LAMA5: variants seen among roughly 807,000 people sequenced by gnomAD.
The protein encoded by LAMA5 is laminin subunit alpha 5, also known as laminin subunit alpha-5.
A neutral mutation model predicts 433.4 loss-of-function variants in LAMA5; 260 were observed. That is an observed-to-expected ratio of 0.60 (90% CI 0.54 to 0.66). The LOEUF is 0.66. Ranked by LOEUF, LAMA5 falls within the 30% of genes least tolerant of loss-of-function variation. The pLI is 0.00. For synonymous variants in LAMA5, 2,620 were observed against 2,226.6 expected (o/e 1.18, Z -4.97); for missense variants, 5,378 against 5,258.5 (o/e 1.02, Z -0.70).
chr20:62,351,517 C>T (rs981459461), intron 6 of LAMA5, among the ~76,000 whole-genome samples, 187 bp downstream of exon 6: 19 of 151,596 alleles, frequency 1.3e-4, no homozygotes, highest in Non-Finnish European at 2.4e-4. Flanking sequence ...CTGGCCTCCA[C>T]ATCACTGCAC....
At chr20:62,361,375 C>A (rs1341963467) in intron 2 of LAMA5, among the ~76,000 whole-genome samples, 3 of 151,208 alleles carry the variant, frequency 2.0e-5, no homozygotes, top group Non-Finnish European at 4.4e-5. Context: ...AAATTCCAGG[C>A]CACTTTTGGA....
chr20:62,317,186 C>T (rs941508798), intron 55 of LAMA5, among the ~76,000 whole-genome samples, 159 bp downstream of exon 55: 6 of 152,378 alleles, frequency 3.9e-5, no homozygotes, highest in African/African-American at 1.2e-4. Flanking sequence ...CTGCTCCTGT[C>T]ACTCTGGGCC....
chr20:62,319,857 G>T (rs867982653), intron 50 of LAMA5, 62 bp from the exon 51 acceptor site: 1 of 1,357,298 alleles, frequency 7.4e-7, no homozygotes, highest in Middle Eastern at 2.1e-4. Flanking sequence ...TGGCAAGGGA[G>T]GGCCTGGGGT....
chr20:62,310,516 C>T lies in LAMA5; in HGVS notation c.10503G>A (p.Leu3501=). Residue 3501 remains leucine, a synonymous_variant, in exon 76 of 80, where the codon CTG becomes CTA. Coordinates refer to ENST00000252999, the MANE Select transcript of LAMA5 (RefSeq NM_005560.6). The part of the protein sequence containing the change: ...VKRLRLHGRP[L]GAPTRMAGVT... ...CCCCTGCCATCCGTGTGGGGGCCCC[C>T]AGGGGCCTCCCGTGCAGCCTCAGTC... is the stretch of plus-strand genomic sequence containing the variant. 6.4e-7 allele frequency: 1 copy of T among 1,555,334 alleles called. No homozygotes were observed. The highest frequency in any genetic ancestry group is 1.2e-5 in the South Asian group (1 of 80,194).
At chr20:62,321,748 G>GGGGGAGGCAGGGCCAGCA (rs1987830778) in intron 48 of LAMA5, among the ~76,000 whole-genome samples, 1 of 138,712 alleles carries the variant, frequency 7.2e-6, no homozygotes, top group African/African-American at 2.8e-5. Flanking sequence ...TGGGGCCAGT[G>GGGGGAGGCAGGGCCAGCA]GAGGGGTGGG....
chr20:62,318,339 G>C (rs1193437232), intron 53 of LAMA5, 115 bp downstream of exon 53: 1 of 377,474 alleles, frequency 2.6e-6, no homozygotes, highest in African/African-American at 4.3e-5. Flanking sequence ...CGAGGGAGGG[G>C]AGGACGGAGG....
At chr20:62,332,342 C>T (rs780639613) in intron 28 of LAMA5, 30 bp downstream of exon 28, 2 of 1,487,650 alleles carry the variant, frequency 1.3e-6, no homozygotes, top group African/African-American at 1.4e-5. Flanking sequence ...GAAGCTGACC[C>T]CTTGGGGTGG....
chr20:62,325,985 C>G lies in LAMA5; in HGVS notation c.5299-439G>C, dbSNP rs559144717. 4.6e-5 allele frequency among the ~76,000 whole-genome samples: 7 copies of G among 152,326 alleles called. 1 individual carries two copies. The East Asian group carries it at 7.7e-4, about 17-fold the overall frequency. On this transcript the variant is annotated intron_variant, in intron 40 of 79. Coordinates refer to ENST00000252999, the MANE Select transcript of LAMA5 (RefSeq NM_005560.6). ...CCTGTAATCCCAGCACTTTGGGAGG[C>G]TGAGGTGGGAGGATCACCTGAAGTC...
Position 62,333,194 on chromosome 20 carries a change from C to A in LAMA5, c.3178G>T (p.Gly1060Trp). 6.6e-7 allele frequency: 1 copy of A among 1,522,390 alleles called. No individual in the cohort carries two copies. The highest frequency in any genetic ancestry group is 8.8e-7 in the Non-Finnish European group (1 of 1,135,176). The allele number at this position is 1,522,390 out of a possible 1,614,324, so 94.3% of individuals were successfully genotyped here. A position where few individuals can be genotyped will look rare whatever the true frequency, so the allele number is the denominator to read the frequency against. The change falls in exon 26 of 80, where the codon GGG becomes TGG. Residue 1060 changes from glycine to tryptophan, a missense_variant. Coordinates refer to ENST00000252999, the MANE Select transcript of LAMA5 (RefSeq NM_005560.6). ...TCCTGGCGACACAGGGCCTCCAGCC[C>A]GGCGGCCGAGGGGAAGCCATCCAGG... Reference protein sequence around the residue: ...LPLDGFPSAAGLEALCRQDNS... With the variant: ...LPLDGFPSAAWLEALCRQDNS...
In LAMA5 at chr20:62,359,063, C is replaced by T. The variant is rs1052920272; in HGVS notation, c.450+3337G>A. Among the ~76,000 whole-genome samples the T allele has an allele frequency of 6.6e-6, 1 of 152,158 alleles. No individual in the cohort carries two copies. Among genetic ancestry groups the T allele is most frequent in the African/African-American group, 2.4e-5 (1 of 41,434 alleles). The stretch of plus-strand genomic sequence containing the variant: ...ACCCCCACCTGGGCCTCCCCATTTG[C>T]CCTGCAGCTCTGGGCCTCGGGGACT... On this transcript the variant is annotated intron_variant, in intron 2 of 79. Coordinates refer to ENST00000252999, the MANE Select transcript of LAMA5 (RefSeq NM_005560.6). This position sits in a 1 kb window ranked among gnomAD's most constrained non-coding sequence, Gnocchi z 4.3.
chr20:62,339,590 T>G (rs1441571962), intron 11 of LAMA5, among the ~76,000 whole-genome samples: 1 of 146,694 alleles, frequency 6.8e-6, no homozygotes, highest in Non-Finnish European at 1.5e-5. Context: ...AACTTACGCA[T>G]GAAAGGAGGG....
At chr20:62,337,117 A>C (rs1981773092) in intron 16 of LAMA5, 1 of 573,908 alleles carries the variant, frequency 1.7e-6, no homozygotes, top group East Asian at 3.7e-5. Flanking sequence ...GTGCACTAAC[A>C]CACCCACACG....
Position 62,334,167 on chromosome 20 carries a change from G to C in LAMA5, c.2739+19C>G. The C allele has an allele frequency of 5.6e-6, 9 of 1,606,906 alleles. No homozygotes were observed. Among genetic ancestry groups the C allele is most frequent in the Non-Finnish European group, 5.1e-6 (6 of 1,175,506 alleles). ...CTCCACTTCTAGGCTGAGCCTGGGA[G>C]GGGGAGCACAGCGCCCACCTGGACA... is the stretch of plus-strand genomic sequence containing the variant. On this transcript the variant is annotated intron_variant, in intron 22 of 79. Coordinates refer to ENST00000252999, the MANE Select transcript of LAMA5 (RefSeq NM_005560.6).
intron 17 of LAMA5, 116 bp downstream of exon 17, chr20:62,336,618 G>T: frequency 7.6e-7 from 1 of 1,308,624 alleles, no homozygotes; most frequent in South Asian, 1.2e-5. Flanking sequence ...GACAGGCCCT[G>T]GGGTTGCCAT....
At chr20:62,345,523 CA>C in intron 11 of LAMA5, 1 of 518,510 alleles carries the variant, frequency 1.9e-6, no homozygotes, top group South Asian at 1.8e-5. Flanking sequence ...CCTTCCACCT[CA>C]GCCTCCGGAG....
Position 62,332,546 on chromosome 20 carries a change from C to T in LAMA5, c.3443+11G>A. ...CGTGCCCTTACTCCAGCCCCACCGG[C>T]TCCCACTCACCTGTACAGGCAGGGG... On this transcript the variant is annotated intron_variant, in intron 27 of 79. Transcript: ENST00000252999. 2 of 1,599,992 alleles carry T rather than the reference C, an allele frequency of 1.3e-6. No individual in the cohort carries two copies. Among genetic ancestry groups the T allele is most frequent in the Non-Finnish European group, 1.7e-6 (2 of 1,171,276 alleles).
rs780278776 is a variant in LAMA5, at chr20:62,317,073, G to A, written c.7512-50C>T. Reference sequence around the variant, plus strand: ...GAGTGGGTAAGCGCAGACGCCCTCGGCCTGGCTCTCCAGCCTCCTGCGCTC... The same window carrying A: ...GAGTGGGTAAGCGCAGACGCCCTCGACCTGGCTCTCCAGCCTCCTGCGCTC... On this transcript the variant is annotated intron_variant, in intron 55 of 79. Coordinates refer to ENST00000252999, the MANE Select transcript of LAMA5 (RefSeq NM_005560.6). 3.9e-5 allele frequency: 58 copies of A among 1,485,314 alleles called. No homozygotes were observed. The South Asian group carries it at 7.2e-4, about 18-fold the overall frequency. 92.0% of individuals were successfully genotyped at this position (1,485,314 alleles called of 1,614,324 possible).
At chr20:62,323,176 G>A (rs1487678607) in intron 45 of LAMA5, among the ~76,000 whole-genome samples, 1 of 151,506 alleles carries the variant, frequency 6.6e-6, no homozygotes, top group Non-Finnish European at 1.5e-5. Context: ...GGTATGGGGA[G>A]GGTCTGATTG....
chr20:62,311,752 T>C lies in LAMA5; in HGVS notation c.9668A>G (p.Gln3223Arg). The C allele has an allele frequency of 6.4e-7, 1 of 1,560,564 alleles. No individual in the cohort carries two copies. Among genetic ancestry groups the C allele is most frequent in the Non-Finnish European group, 8.7e-7 (1 of 1,153,996 alleles). The change falls in exon 71 of 80, where the codon CAG (glutamine) becomes CGG (arginine). Residue 3223 changes from glutamine to arginine, a missense_variant. Gln to Arg is a conservative substitution (Grantham distance 43). Transcript: ENST00000252999. ...VWLYVDDQLQ[Q>R]MKPHRGPPPE... ...GGGTGGTCCCCGGTGGGGCTTCATC[T>C]GCTGGAGCTGGTCATCGACATACAG... is the stretch of plus-strand genomic sequence containing the variant.
Sources: gnomAD v4.1 joint callset for allele counts (sites outside exome capture counted in the v4.1 genomes callset) on GRCh38, gnomAD v4.1.1 for gene constraint, Gnocchi (gnomAD v3.1) non-coding constraint, MANE v1.5 for transcripts, NCBI Gene and HGNC (gene_info 2026-07-23, HGNC 2026-07-21) for gene names.